The following LZTS3 variants were observed in gnomAD, a reference collection of about 807,000 sequenced individuals.
The protein encoded by LZTS3 is leucine zipper tumor suppressor family member 3, also known as leucine zipper putative tumor suppressor 3.
In LZTS3, 16 loss-of-function variants were observed where a neutral mutation model predicts 50.9. That is an observed-to-expected ratio of 0.31 (90% CI 0.21 to 0.48). The LOEUF (loss-of-function observed/expected upper bound fraction) is 0.48, where lower values mean the gene tolerates loss of function less well. Among genes scored for constraint, LZTS3 ranks in the 20% least tolerant of loss-of-function variants. The pLI is 0.99. For synonymous variants in LZTS3, 408 were observed against 410.6 expected, an observed-to-expected ratio of 0.99 and a Z score of 0.08; for missense variants, 816 against 931.0, an observed-to-expected ratio of 0.88 and a Z score of 1.61.
At chr20:3,167,507 C>A in intron 2 of LZTS3, 1 of 1,084,504 alleles carries the variant, frequency 9.2e-7, no homozygotes, top group Non-Finnish European at 1.1e-6. Context: ...CCGCCATGAG[C>A]TTCCCAGGCT....
At chr20:3,167,256 G>C in intron 2 of LZTS3, 75 bp from the exon 3 acceptor site, 2 of 1,419,726 alleles carry the variant, frequency 1.4e-6, no homozygotes, top group South Asian at 3.1e-5. Flanking sequence ...AAGTCAACCC[G>C]GCACCGCTCT....
intron 1 of LZTS3, among the ~76,000 whole-genome samples, chr20:3,170,485 T>TCAAAAAAA (rs2066888487): frequency 1.0e-4 from 1 of 9,994 alleles, no homozygotes; most frequent in African/African-American, 5.8e-4. Context: ...CGAGACTACA[T>TCAAAAAAA]CAAAAAAAAA....
At chr20:3,169,794 C>T (rs941138427) in intron 1 of LZTS3, among the ~76,000 whole-genome samples, 2 of 151,456 alleles carry the variant, frequency 1.3e-5, no homozygotes, top group African/African-American at 4.9e-5. Context: ...ACGAGAACCC[C>T]CTTGAACCCA....
At position 3,165,986 on chromosome 20, in the gene LZTS3, A is replaced by T; in HGVS notation, c.834T>A (p.Ser278Arg). ...ACCCACTCTTGCTGGAGGCCCGTCC[A>T]CTATCGGAGGTCCCCAGGTCCTGGT... Reference protein sequence around the residue: ...SGYQDLGTSDSGRASSKSGSS... With the variant: ...SGYQDLGTSDRGRASSKSGSS... The change falls in exon 4 of 5, where the codon AGT becomes AGA. Residue 278 changes from serine (S) to arginine (R), a missense_variant. Coordinates refer to ENST00000337576, the MANE Select transcript of LZTS3 (RefSeq NM_001365618.1). The surrounding 1 kb of genome is among the most constrained non-coding windows in gnomAD (Gnocchi z 5.0). 1 of 1,613,418 alleles carries T rather than the reference A, an allele frequency of 6.2e-7. No individual in the cohort carries two copies. Among genetic ancestry groups the T allele is most frequent in the Non-Finnish European group, 8.5e-7 (1 of 1,179,992 alleles).
At chr20:3,167,254 C>T in intron 2 of LZTS3, 73 bp from the exon 3 acceptor site, 1 of 1,420,634 alleles carries the variant, frequency 7.0e-7, no homozygotes, top group South Asian at 1.5e-5. Context: ...CCAAGTCAAC[C>T]CGGCACCGCT....
rs377274059 is a variant in LZTS3 at position 3,166,371 on chromosome 20, C to T, written c.460-11G>A. On this transcript the variant is annotated splice_polypyrimidine_tract_variant and intron_variant, in intron 3 of 4. Coordinates refer to ENST00000337576, the MANE Select transcript of LZTS3 (RefSeq NM_001365618.1). ...TAGTGGTTCTGAGCACTGCAGGAAA[C>T]GCAGGAGGGGGCTGGGGGTCAGGAT... 9.4e-5 allele frequency: 150 copies of T among 1,590,732 alleles called. No homozygotes were observed. The highest frequency in any genetic ancestry group is 2.7e-4 in the South Asian group (23 of 86,634).
Position 3,165,236 on chromosome 20 carries a change from G to A in LZTS3, c.1324-84C>T. The A allele has an allele frequency of 7.4e-7, 1 of 1,347,530 alleles. No homozygotes were observed. Among genetic ancestry groups the A allele is most frequent in the Non-Finnish European group, 9.8e-7 (1 of 1,018,790 alleles). The allele number at this position is 1,347,530 out of a possible 1,614,324, so 83.5% of individuals were successfully genotyped here. A position where few individuals can be genotyped will look rare whatever the true frequency, so the allele number is the denominator to read the frequency against. The stretch of plus-strand genomic sequence containing the variant: ...CCCAGCTACCAGATCTGGAGCCAGG[G>A]GCACCAAGCTTCCCGGGGCTGCAGG... On this transcript the variant is annotated intron_variant, in intron 4 of 4. Transcript: ENST00000337576. This position sits in a 1 kb window ranked among gnomAD's most constrained non-coding sequence, Gnocchi z 5.0.
rs770636770 is a variant in LZTS3, at chr20:3,166,181, C to T, written c.639G>A (p.Gly213=). The T allele has an allele frequency of 1.2e-6, 2 of 1,613,720 alleles. No individual in the cohort carries two copies. Among genetic ancestry groups the T allele is most frequent in the Non-Finnish European group, 1.7e-6 (2 of 1,179,856 alleles). ...SRTMTPAGGS[G]SGLSDSGRNS... ...TCCGGCCTGAGTCTGAGAGGCCACTCCCACTCCCACCCGCTGGAGTCATGG... is the reference window on the plus strand; with the variant it reads ...TCCGGCCTGAGTCTGAGAGGCCACTTCCACTCCCACCCGCTGGAGTCATGG... Residue 213 remains glycine (G), a synonymous_variant, in exon 4 of 5, where the codon GGG becomes GGA. Transcript: ENST00000337576.
rs1192805752 is a variant in LZTS3, at chr20:3,167,267, G to T, written c.-18-86C>A. ...AGCCAAGTCAACCCGGCACCGCTCT[G>T]CCCCTCAGTGTCCCCTTCCCTACAA... On this transcript the variant is annotated intron_variant, in intron 2 of 4. Coordinates refer to ENST00000337576, the MANE Select transcript of LZTS3 (RefSeq NM_001365618.1). 4 of 1,412,612 alleles carry T rather than the reference G, an allele frequency of 2.8e-6. No homozygotes were observed. The African/African-American group carries it at 4.3e-5, about 15-fold the overall frequency. The allele number at this position is 1,412,612 out of a possible 1,614,324, so 87.5% of individuals were successfully genotyped here.
At position 3,165,485 on chromosome 20, in the gene LZTS3, C is replaced by T. The variant is rs867362381; in HGVS notation, c.1323+12G>A. 6.6e-7 allele frequency: 1 copy of T among 1,515,584 alleles called. No individual in the cohort carries two copies. 93.9% of individuals were successfully genotyped at this position (1,515,584 alleles called of 1,614,324 possible). Reference sequence around the variant, plus strand: ...GGGAGGCAGAGGGGAGGCCCAGATCCCCAGCCCGCACCTCCCACTTAGTTT... The same window carrying T: ...GGGAGGCAGAGGGGAGGCCCAGATCTCCAGCCCGCACCTCCCACTTAGTTT... On this transcript the variant is annotated intron_variant, in intron 4 of 4. Coordinates refer to ENST00000337576, the MANE Select transcript of LZTS3 (RefSeq NM_001365618.1). This position sits in a 1 kb window ranked among gnomAD's most constrained non-coding sequence, Gnocchi z 5.0.
intron 2 of LZTS3, 174 bp from the exon 3 acceptor site, chr20:3,167,355 T>C (rs2066845145): frequency 7.4e-7 from 1 of 1,346,736 alleles, no homozygotes; most frequent in Admixed American, 3.3e-5. Flanking sequence ...AAGAGAGAAC[T>C]TGGGAATGGG....
Position 3,167,911 on chromosome 20 carries a change from G to A in LZTS3, c.-192C>T, listed in dbSNP as rs2066854000. ...AGTCGGGGCTCGGCCCGAACCAGCT[G>A]CGCGACTTTGGAGGGGCCGACTGAG... On this transcript the variant is annotated 5_prime_UTR_variant, in exon 2 of 5. Transcript: ENST00000337576. 2.1e-6 allele frequency: 2 copies of A among 969,776 alleles called. No homozygotes were observed. Among genetic ancestry groups the A allele is most frequent in the Non-Finnish European group, 2.5e-6 (2 of 815,748 alleles). The allele number at this position is 969,776 out of a possible 1,614,324, so 60.1% of individuals were successfully genotyped here.
rs1309685969 is a variant in LZTS3, at chr20:3,165,290, C to G, written c.1324-138G>C. On this transcript the variant is annotated intron_variant, in intron 4 of 4. Coordinates refer to ENST00000337576, the MANE Select transcript of LZTS3 (RefSeq NM_001365618.1). The surrounding 1 kb of genome is among the most constrained non-coding windows in gnomAD (Gnocchi z 5.0). ...AGCCCCTCATCAGCAGCGACGCACCCGATTCCCTGCCTGGACTCAAGATGG... is the reference window on the plus strand; with the variant it reads ...AGCCCCTCATCAGCAGCGACGCACCGGATTCCCTGCCTGGACTCAAGATGG... 2.6e-6 allele frequency: 3 copies of G among 1,165,062 alleles called. No individual in the cohort carries two copies. Among genetic ancestry groups the G allele is most frequent in the Non-Finnish European group, 3.5e-6 (3 of 854,686 alleles). 72.2% of individuals were successfully genotyped at this position (1,165,062 alleles called of 1,614,324 possible). A position where few individuals can be genotyped will look rare whatever the true frequency, so the allele number is the denominator to read the frequency against.
Position 3,166,016 on chromosome 20 carries a change from C to A in LZTS3, c.804G>T (p.Ser268=), listed in dbSNP as rs751659899. ...SGSGGSSGGG[S]GYQDLGTSDS... is the part of the protein sequence containing the mutation. Reference sequence around the variant, plus strand: ...CGGAGGTCCCCAGGTCCTGGTAGCCCGACCCCCCACCGCTGCTGCCGCCAC... The same window carrying A: ...CGGAGGTCCCCAGGTCCTGGTAGCCAGACCCCCCACCGCTGCTGCCGCCAC... The change falls in exon 4 of 5, where the codon TCG becomes TCT. Residue 268 remains serine (S), a synonymous_variant. Transcript: ENST00000337576. The A allele has an allele frequency of 6.2e-7, 1 of 1,612,722 alleles. No individual in the cohort carries two copies. Among genetic ancestry groups the A allele is most frequent in the Admixed American group, 1.7e-5 (1 of 59,962 alleles).
chr20:3,168,308 G>A (rs1036839660), intron 1 of LZTS3: 3 of 151,454 alleles, frequency 2.0e-5, no homozygotes, highest in Non-Finnish European at 2.9e-5. Context: ...TGGCACTGAC[G>A]GAGCCTCTCT....
chr20:3,170,245 T>C (rs1364731016), intron 1 of LZTS3, among the ~76,000 whole-genome samples: 1 of 152,110 alleles, frequency 6.6e-6, no homozygotes, highest in Admixed American at 6.6e-5. Context: ...ATGCCAGCAC[T>C]TTGGGAGGCC....
In LZTS3 at chr20:3,164,719, G is replaced by A; in HGVS notation, c.1757C>T (p.Ala586Val). The A allele has an allele frequency of 1.3e-6, 2 of 1,567,004 alleles. No individual in the cohort carries two copies. The highest frequency in any genetic ancestry group is 8.6e-7 in the Non-Finnish European group (1 of 1,158,492). ...CTGGCGCTCCCGGGCCCGCCGCTCA[G>A]CCGCCAGCTCGGCCTGCAGCCGCCC... The part of the protein sequence containing the change: ...EVGRLQAELA[A>V]ERRARERQGA... The change falls in exon 5 of 5, where the codon GCT becomes GTT. Residue 586 changes from alanine (A) to valine (V), a missense_variant. Physicochemically the swap from Ala to Val is moderately conservative, Grantham distance 64. Around this residue, in one of 3 missense-constraint regions of LZTS3, gnomAD observed 107 missense variants for 130.4 expected, o/e 0.82. Coordinates refer to ENST00000337576, the MANE Select transcript of LZTS3 (RefSeq NM_001365618.1).
intron 1 of LZTS3, among the ~76,000 whole-genome samples, chr20:3,172,670 G>A (rs1179403531): frequency 6.6e-6 from 1 of 152,192 alleles, no homozygotes; most frequent in Non-Finnish European, 1.5e-5. Context: ...GGAGCACAGA[G>A]GGCAGAGTCC....
chr20:3,169,059 C>A (rs539784158), intron 1 of LZTS3, among the ~76,000 whole-genome samples: 4 of 145,850 alleles, frequency 2.7e-5, no homozygotes, highest in Non-Finnish European at 6.0e-5. Flanking sequence ...AAGAGCACTT[C>A]GCCACCCTCC....
Sources: allele counts gnomAD v4.1 joint callset (sites outside exome capture counted in the v4.1 genomes callset), GRCh38; gene constraint gnomAD v4.1.1; regional missense constraint gnomAD v4.1.1; non-coding constraint Gnocchi (gnomAD v3.1); transcripts MANE v1.5; gene names NCBI Gene and HGNC (gene_info 2026-07-23, HGNC 2026-07-21).